Variants in KCNT2 observed in about 807,000 individuals in gnomAD.
KCNT2 encodes the protein potassium channel subfamily T member 2.
KCNT2 carries 67 observed loss-of-function variants against 153.8 expected under a neutral mutation model. The ratio of observed to expected loss-of-function variants is 0.44; its 90% CI spans 0.36 to 0.53. KCNT2 has a LOEUF of 0.53. KCNT2 is among the 20% of genes least tolerant of loss of function. The pLI is 0.00. For missense variants in KCNT2, 975 were observed against 1,354.8 expected (o/e 0.72, Z 4.40); for synonymous variants, 500 against 458.8 (o/e 1.09, Z -1.15).
chr1:196,398,970 T>C (rs1671183127), intron 12 of KCNT2, among the ~76,000 whole-genome samples: 1 of 151,618 alleles, frequency 6.6e-6, no homozygotes, highest in African/African-American at 2.4e-5. Flanking sequence ...TTCAGACATG[T>C]AGCAAAACTA....
At chr1:196,536,159 T>C (rs1655534959) in intron 1 of KCNT2, among the ~76,000 whole-genome samples, 1 of 152,220 alleles carries the variant, frequency 6.6e-6, no homozygotes, top group Non-Finnish European at 1.5e-5. Context: ...CAGGTTTCTA[T>C]TTCCCTATCT....
At chr1:196,322,327 A>C (rs1316254947) in intron 19 of KCNT2, among the ~76,000 whole-genome samples, 1 of 151,900 alleles carries the variant, frequency 6.6e-6, no homozygotes, top group Non-Finnish European at 1.5e-5. Context: ...TATATAAAGA[A>C]GTATTTGATA....
At chr1:196,342,593 A>G (rs1334360325) in intron 14 of KCNT2, among the ~76,000 whole-genome samples, 1 of 151,446 alleles carries the variant, frequency 6.6e-6, no homozygotes, top group Non-Finnish European at 1.5e-5. Context: ...CCTATCATGT[A>G]TATCTTCTAA....
intron 14 of KCNT2, among the ~76,000 whole-genome samples, chr1:196,355,119 T>C (rs1011261024): frequency 6.6e-6 from 1 of 151,666 alleles, no homozygotes; most frequent in African/African-American, 2.4e-5. Flanking sequence ...CTATGTATTA[T>C]ATGAACATTT....
chr1:196,428,683 A>T (rs968978217), intron 9 of KCNT2, among the ~76,000 whole-genome samples: 1 of 152,102 alleles, frequency 6.6e-6, no homozygotes, highest in East Asian at 1.9e-4. Flanking sequence ...TACAGTAGCC[A>T]TTAACGGAGG....
intron 8 of KCNT2, among the ~76,000 whole-genome samples, chr1:196,457,652 C>A (rs528076099): frequency 1.0e-3 from 155 of 151,948 alleles, no homozygotes; most frequent in African/African-American, 3.5e-3. Flanking sequence ...CTAGATAGCA[C>A]GCACTTGGTA....
At position 196,316,557 on chromosome 1, in the gene KCNT2, T is replaced by C. The variant is rs1435823479; in HGVS notation, c.2349-531A>G. 3.3e-5 allele frequency among the ~76,000 whole-genome samples: 5 copies of C among 151,770 alleles called. No homozygotes were observed. In the East Asian group the frequency reaches 9.7e-4, roughly 29 times the overall value. ...AGACCTATGTGCTATAGATTGGTTC[T>C]ACACAACCAAGAGCATATAAAATAT... On this transcript the variant is annotated intron_variant, in intron 20 of 27. Transcript: ENST00000294725.
At chr1:196,532,569 GTATAT>G (rs949410940) in intron 1 of KCNT2, among the ~76,000 whole-genome samples, 13 of 151,590 alleles carry the variant, frequency 8.6e-5, no homozygotes, top group African/African-American at 2.4e-4. Flanking sequence ...TTAATTCTAT[GTATAT>G]TATATTTATT....
intron 1 of KCNT2, among the ~76,000 whole-genome samples, chr1:196,559,936 TAGAA>T (rs977243977): frequency 3.3e-5 from 5 of 151,872 alleles, no homozygotes; most frequent in Non-Finnish European, 2.9e-5. Flanking sequence ...TTCTTTTTCT[TAGAA>T]AGACTGCTTC....
chr1:196,604,708 C>T (rs914740209), intron 1 of KCNT2, among the ~76,000 whole-genome samples: 2 of 151,222 alleles, frequency 1.3e-5, no homozygotes, highest in African/African-American at 4.9e-5. Flanking sequence ...CTATTCATTA[C>T]ATATATTATA....
chr1:196,323,680 C>A (rs1171047299), intron 19 of KCNT2, among the ~76,000 whole-genome samples: 6 of 151,792 alleles, frequency 4.0e-5, no homozygotes, highest in African/African-American at 1.5e-4. Context: ...AAATCCCATG[C>A]TTATTACATC....
chr1:196,520,984 A>T (rs1436089276), intron 1 of KCNT2, among the ~76,000 whole-genome samples: 1 of 152,228 alleles, frequency 6.6e-6, no homozygotes, highest in Non-Finnish European at 1.5e-5. Flanking sequence ...TGCTCAGCAA[A>T]ATAAACTATC....
intron 5 of KCNT2, among the ~76,000 whole-genome samples, chr1:196,473,621 G>A (rs1033976027): frequency 1.1e-4 from 17 of 152,102 alleles, no homozygotes; most frequent in African/African-American, 4.1e-4. Flanking sequence ...AAATAAATGC[G>A]TCTCTTTTCA....
intron 1 of KCNT2, among the ~76,000 whole-genome samples, chr1:196,547,417 G>A (rs1657252617): frequency 6.6e-6 from 1 of 151,964 alleles, no homozygotes; most frequent in African/African-American, 2.4e-5. Context: ...TCACTGGACA[G>A]ACGATGGATG....
chr1:196,247,620 A>G (rs954066080), intron 26 of KCNT2, among the ~76,000 whole-genome samples: 1 of 152,170 alleles, frequency 6.6e-6, no homozygotes, highest in African/African-American at 2.4e-5. Context: ...GGCATGAAGG[A>G]GAAGTGCTGA....
At chr1:196,254,449 C>A (rs1394099797) in intron 26 of KCNT2, among the ~76,000 whole-genome samples, 1 of 151,488 alleles carries the variant, frequency 6.6e-6, no homozygotes, top group Non-Finnish European at 1.5e-5. Flanking sequence ...ATCTCAAATA[C>A]TTGTATTATT....
chr1:196,494,103 T>TA (rs1375901433), intron 1 of KCNT2, among the ~76,000 whole-genome samples: 2 of 152,154 alleles, frequency 1.3e-5, no homozygotes, highest in Non-Finnish European at 2.9e-5. Flanking sequence ...TGCACACACA[T>TA]ACAGAAACAA....
chr1:196,329,194 T>A (rs1438208895), intron 18 of KCNT2, among the ~76,000 whole-genome samples: 4 of 151,996 alleles, frequency 2.6e-5, no homozygotes, highest in African/African-American at 9.7e-5. Context: ...CTCACACACT[T>A]CACAGACACA....
intron 16 of KCNT2, 56 bp downstream of exon 16, chr1:196,340,285 C>A (rs1366677257): frequency 1.2e-5 from 13 of 1,064,412 alleles, no homozygotes; most frequent in Non-Finnish European, 1.6e-5. Context: ...TGGTATTTAT[C>A]ATTATTTTTT....
Sources: allele counts gnomAD v4.1 joint callset (sites outside exome capture counted in the v4.1 genomes callset), GRCh38; gene constraint gnomAD v4.1.1; transcripts MANE v1.5; gene names NCBI Gene and HGNC (gene_info 2026-07-23, HGNC 2026-07-21).